ARMH4: variants seen among roughly 807,000 people sequenced by gnomAD.
ARMH4 encodes armadillo-like helical domain-containing protein 4.
Under a neutral mutation model 61.9 loss-of-function variants are expected in ARMH4, and 49 were observed. The observed-to-expected ratio is 0.79, with a 90% CI of 0.63 to 1.00. ARMH4 has a LOEUF of 1.00. ARMH4 is among the 50% of genes least tolerant of loss of function. The pLI is 0.00. For missense variants in ARMH4, 934 were observed against 930.0 expected (o/e 1.00, Z -0.06); for synonymous variants, 368 against 341.5 (o/e 1.08, Z -0.85).
chr14:58,084,430 C>G lies in ARMH4; in HGVS notation c.2089+12294G>C, dbSNP rs372335610. ...GGACTCAGAAGCCCAAGGCTCTGGT[C>G]CTGTGGGATGTGCAATACTTTATCA... is the stretch of plus-strand genomic sequence containing the variant. On this transcript the variant is annotated intron_variant, in intron 5 of 7. Transcript: ENST00000267485. Among the ~76,000 whole-genome samples, 42 of 152,292 alleles carry G rather than the reference C, an allele frequency of 2.8e-4. No individual in the cohort carries two copies. In the East Asian group the frequency reaches 7.5e-3, roughly 27 times the overall value.
intron 6 of ARMH4, among the ~76,000 whole-genome samples, chr14:58,005,864 G>A (rs1455808167): frequency 6.6e-6 from 1 of 152,326 alleles, no homozygotes; most frequent in Non-Finnish European, 1.5e-5. Flanking sequence ...TTCTGTGAAT[G>A]GAATCACCTT....
chr14:58,120,353 C>A (rs1566589413), intron 4 of ARMH4, among the ~76,000 whole-genome samples: 1 of 149,098 alleles, frequency 6.7e-6, no homozygotes, highest in African/African-American at 2.5e-5. Flanking sequence ...CTCCCCCATG[C>A]CACACACACA....
chr14:58,088,637 T>C (rs775658937), intron 5 of ARMH4, among the ~76,000 whole-genome samples: 1 of 152,158 alleles, frequency 6.6e-6, no homozygotes, highest in Non-Finnish European at 1.5e-5. Flanking sequence ...AAGCTCCTAC[T>C]GAGAGAAGCC....
At chr14:58,018,668 T>C (rs571055849) in intron 5 of ARMH4, among the ~76,000 whole-genome samples, 37 of 152,292 alleles carry the variant, frequency 2.4e-4, no homozygotes, top group African/African-American at 8.4e-4. Context: ...CTGTACACTG[T>C]TGGTGGCAAT....
chr14:58,089,677 G>A (rs1035132909), intron 5 of ARMH4, among the ~76,000 whole-genome samples: 8 of 152,212 alleles, frequency 5.3e-5, no homozygotes, highest in African/African-American at 1.4e-4. Flanking sequence ...AAGGCCTTCT[G>A]AAGACACGTA....
intron 4 of ARMH4, chr14:58,131,221 T>A (rs1255207876): frequency 3.0e-6 from 1 of 331,344 alleles, no homozygotes; most frequent in East Asian, 6.2e-5. Context: ...TGTGTTCCAA[T>A]ATAGCTTTAT....
intron 4 of ARMH4, among the ~76,000 whole-genome samples, chr14:58,126,935 T>G (rs1886915266): frequency 6.6e-6 from 1 of 151,764 alleles, no homozygotes; most frequent in Non-Finnish European, 1.5e-5. Context: ...CCCATGTGGC[T>G]GGGATTATAG....
chr14:58,111,619 C>T (rs1176914491), intron 4 of ARMH4, among the ~76,000 whole-genome samples: 1 of 152,134 alleles, frequency 6.6e-6, no homozygotes, highest in Non-Finnish European at 1.5e-5. Flanking sequence ...CACCTTCTTG[C>T]TGTGTCCTTA....
At chr14:58,141,277 G>C in intron 1 of ARMH4, 1 of 339,538 alleles carries the variant, frequency 2.9e-6, no homozygotes, top group Non-Finnish European at 6.0e-6. Flanking sequence ...TGCAGACGCA[G>C]AGATGCAGAT....
intron 5 of ARMH4, among the ~76,000 whole-genome samples, chr14:58,084,123 T>C (rs1885311215): frequency 6.6e-6 from 1 of 151,662 alleles, no homozygotes; most frequent in African/African-American, 2.4e-5. Context: ...CCTGGGGAGG[T>C]GTGGCAGGTG....
chr14:58,043,032 G>A (rs1883783023), intron 5 of ARMH4, among the ~76,000 whole-genome samples: 1 of 152,168 alleles, frequency 6.6e-6, no homozygotes, highest in African/African-American at 2.4e-5. Context: ...GGTACAAGGA[G>A]GAGGTGGTAC....
intron 5 of ARMH4, among the ~76,000 whole-genome samples, chr14:58,062,986 A>C (rs1277698726): frequency 6.6e-6 from 1 of 152,212 alleles, no homozygotes; most frequent in East Asian, 1.9e-4. Flanking sequence ...AATGTGGCTT[A>C]AACAATGGAA....
At chr14:58,029,523 C>T (rs543596429) in intron 5 of ARMH4, among the ~76,000 whole-genome samples, 35 of 152,162 alleles carry the variant, frequency 2.3e-4, no homozygotes, top group South Asian at 1.0e-3. Flanking sequence ...TGTGAGCCAC[C>T]GTGCCCGGCC....
intron 1 of ARMH4, chr14:58,141,459 C>A: frequency 1.8e-6 from 1 of 541,602 alleles, no homozygotes; most frequent in Non-Finnish European, 3.7e-6. Flanking sequence ...CAGGCTACAA[C>A]ATCCAGAAAG....
In ARMH4 at chr14:58,001,875, G is replaced by A. The variant is rs2747103; in HGVS notation, c.*2861C>T. ...AAGAAGACCTAGTTCCTGCCCCTGC[G>A]GTGGGATGCTGGCAGTTCTGGCTGG... is the stretch of plus-strand genomic sequence containing the variant. On this transcript the variant is annotated 3_prime_UTR_variant, in exon 8 of 8. Coordinates refer to ENST00000267485, the MANE Select transcript of ARMH4 (RefSeq NM_001001872.4). The A allele has an allele frequency of 0.2, 30,974 of 151,962 alleles. 3,770 individuals carry two copies. Among genetic ancestry groups the A allele is most frequent in the East Asian group, 0.48 (2,489 of 5,154 alleles). The allele number at this position is 151,962 out of a possible 1,614,324, so 9.4% of individuals were successfully genotyped here. A position where few individuals can be genotyped will look rare whatever the true frequency, so the allele number is the denominator to read the frequency against.
intron 5 of ARMH4, among the ~76,000 whole-genome samples, chr14:58,054,017 G>A (rs201706921): frequency 3.1e-4 from 47 of 152,250 alleles, no homozygotes; most frequent in Non-Finnish European, 6.2e-4. Flanking sequence ...TAGATTTAGC[G>A]CCCTTGGTAC....
chr14:58,145,897 G>A (rs572653497), intron 1 of ARMH4, among the ~76,000 whole-genome samples: 4 of 152,342 alleles, frequency 2.6e-5, no homozygotes, highest in Admixed American at 6.5e-5. Context: ...CTGGAACTCA[G>A]ATAAACTGAT....
In ARMH4 at chr14:58,143,850, T is replaced by C. The variant is rs1887646733; in HGVS notation, c.-56-4436A>G. 2.0e-5 allele frequency among the ~76,000 whole-genome samples: 3 copies of C among 147,708 alleles called. No homozygotes were observed. The South Asian group carries it at 6.6e-4, about 33-fold the overall frequency. On this transcript the variant is annotated intron_variant, in intron 1 of 7. Transcript: ENST00000267485. ...GTTTGATGGTGTGATCTCAGCTCAC[T>C]GCTCCCTCCACCTTCCAGGTTGAAG...
At chr14:58,147,110 A>G (rs1887757548) in intron 1 of ARMH4, among the ~76,000 whole-genome samples, 1 of 152,130 alleles carries the variant, frequency 6.6e-6, no homozygotes, top group Non-Finnish European at 1.5e-5. Context: ...TTCAAACACA[A>G]CCATCTTCAT....
Sources: gnomAD v4.1 joint callset for allele counts (sites outside exome capture counted in the v4.1 genomes callset) on GRCh38, gnomAD v4.1.1 for gene constraint, MANE v1.5 for transcripts, NCBI Gene and HGNC (gene_info 2026-07-23, HGNC 2026-07-21) for gene names.